The following NRXN3 variants were observed in gnomAD, a reference collection of about 807,000 sequenced individuals.
NRXN3 encodes neurexin 3.
NRXN3 carries 32 observed loss-of-function variants against 137.6 expected under a neutral mutation model. The ratio of observed to expected loss-of-function variants is 0.23; its 90% CI spans 0.18 to 0.31. The LOEUF (loss-of-function observed/expected upper bound fraction) is 0.31. Ranked by LOEUF, NRXN3 falls within the 10% of genes least tolerant of loss-of-function variation. NRXN3 has a pLI of 1.00. For missense variants in NRXN3, 1,574 were observed against 2,062.5 expected (o/e 0.76, Z 4.59); for synonymous variants, 798 against 784.5 (o/e 1.02, Z -0.29).
intron 16 of NRXN3, among the ~76,000 whole-genome samples, chr14:79,603,822 T>A (rs1459232981): frequency 6.6e-6 from 1 of 152,184 alleles, no homozygotes; most frequent in Non-Finnish European, 1.5e-5. Flanking sequence ...TGAGATTCTT[T>A]TCATACAAGT....
chr14:79,321,601 A>T (rs1036827395), intron 15 of NRXN3, among the ~76,000 whole-genome samples: 38 of 151,888 alleles, frequency 2.5e-4, no homozygotes, highest in Non-Finnish European at 2.8e-4. Flanking sequence ...TTGCAAGATG[A>T]CCTGGAATAT....
chr14:79,224,358 G>GT (rs2070411636), intron 15 of NRXN3, among the ~76,000 whole-genome samples: 1 of 152,108 alleles, frequency 6.6e-6, no homozygotes, highest in Admixed American at 6.6e-5. Flanking sequence ...CACAGATGAG[G>GT]TAAGTGTGAA....
intron 10 of NRXN3, among the ~76,000 whole-genome samples, chr14:78,956,809 T>C (rs2152965080): frequency 6.6e-6 from 1 of 152,360 alleles, no homozygotes; most frequent in South Asian, 2.1e-4. Flanking sequence ...GTGGATACTC[T>C]CTAAAAGCCA....
intron 6 of NRXN3, among the ~76,000 whole-genome samples, chr14:78,697,196 A>G (rs1251538215): frequency 1.3e-5 from 2 of 151,980 alleles, no homozygotes; most frequent in Non-Finnish European, 2.9e-5. Flanking sequence ...TTATATGAAA[A>G]CTTATTTGAT....
At chr14:79,817,053 C>T (rs939338143) in intron 20 of NRXN3, among the ~76,000 whole-genome samples, 1 of 151,912 alleles carries the variant, frequency 6.6e-6, no homozygotes, top group Admixed American at 6.6e-5. Context: ...AGTTTAGTTG[C>T]CCCCATAATT....
At chr14:79,731,880 T>C (rs1411938489) in intron 19 of NRXN3, among the ~76,000 whole-genome samples, 1 of 151,832 alleles carries the variant, frequency 6.6e-6, no homozygotes, top group African/African-American at 2.4e-5. Context: ...ACCTTGACCA[T>C]CCGATTTCAC....
intron 4 of NRXN3, among the ~76,000 whole-genome samples, chr14:78,415,890 C>T (rs919519422): frequency 1.8e-4 from 27 of 151,858 alleles, no homozygotes; most frequent in African/African-American, 2.9e-4. Context: ...CCAACTATGC[C>T]GGCACACTGA....
chr14:79,136,892 G>A (rs2653551), intron 15 of NRXN3, among the ~76,000 whole-genome samples: 2,690 of 152,260 alleles, frequency 0.018, 77 homozygotes, highest in African/African-American at 0.062. Flanking sequence ...GAAATGCCAG[G>A]AATTGGGATA....
At chr14:78,304,745 C>T (rs1352256760) in intron 4 of NRXN3, among the ~76,000 whole-genome samples, 1 of 152,074 alleles carries the variant, frequency 6.6e-6, no homozygotes, top group Non-Finnish European at 1.5e-5. Flanking sequence ...AAGTAGTGTC[C>T]TAGTGTAAGA....
intron 15 of NRXN3, among the ~76,000 whole-genome samples, chr14:79,337,529 C>T (rs1183361035): frequency 5.3e-5 from 8 of 152,076 alleles, no homozygotes; most frequent in Admixed American, 4.6e-4. Flanking sequence ...GGTCTTCCAT[C>T]GTGATGGTAA....
At chr14:78,964,475 G>C (rs1231931494) in intron 11 of NRXN3, among the ~76,000 whole-genome samples, 1 of 152,206 alleles carries the variant, frequency 6.6e-6, no homozygotes, top group Non-Finnish European at 1.5e-5. Context: ...GGAGGTGTTA[G>C]GGGCTGAGCT....
intron 15 of NRXN3, among the ~76,000 whole-genome samples, chr14:79,340,172 T>A (rs2092520883): frequency 6.6e-6 from 1 of 151,246 alleles, no homozygotes; most frequent in Admixed American, 6.6e-5. Flanking sequence ...TGTGTGTGTG[T>A]GTGTGTGTGT....
intron 15 of NRXN3, among the ~76,000 whole-genome samples, chr14:79,225,615 T>A (rs1024848405): frequency 6.6e-6 from 1 of 152,150 alleles, no homozygotes; most frequent in South Asian, 2.1e-4. Flanking sequence ...CTAAAACTAG[T>A]GCAACACTTT....
intron 15 of NRXN3, among the ~76,000 whole-genome samples, chr14:79,457,183 T>A (rs1347216512): frequency 1.3e-5 from 2 of 151,990 alleles, no homozygotes; most frequent in African/African-American, 4.8e-5. Flanking sequence ...ACATGATAAA[T>A]ATGGAGGAAA....
intron 10 of NRXN3, among the ~76,000 whole-genome samples, chr14:78,841,981 C>T (rs1040366847): frequency 1.3e-5 from 2 of 152,130 alleles, no homozygotes; most frequent in East Asian, 3.9e-4. Context: ...CTGCAAAGTA[C>T]TTACGATACT....
chr14:79,773,248 T>C (rs1200805462), intron 19 of NRXN3, among the ~76,000 whole-genome samples: 1 of 152,092 alleles, frequency 6.6e-6, no homozygotes, highest in Non-Finnish European at 1.5e-5. Flanking sequence ...GAACTAGAAA[T>C]ACCATTTGAC....
intron 1 of NRXN3, among the ~76,000 whole-genome samples, chr14:78,178,580 G>C (rs1039302721): frequency 1.3e-5 from 2 of 152,118 alleles, no homozygotes; most frequent in African/African-American, 4.8e-5. Flanking sequence ...AACCTGCATG[G>C]GACAGCCACA....
chr14:78,990,892 TCAC>T (rs1333370013), intron 15 of NRXN3, among the ~76,000 whole-genome samples: 15 of 152,198 alleles, frequency 9.9e-5, no homozygotes, highest in Non-Finnish European at 2.1e-4. Flanking sequence ...AAAAGCAGTC[TCAC>T]TATATCATAG....
At chr14:79,550,094 C>T (rs1249718932) in intron 16 of NRXN3, among the ~76,000 whole-genome samples, 6 of 151,934 alleles carry the variant, frequency 3.9e-5, no homozygotes, top group Non-Finnish European at 7.4e-5. Context: ...CTCAGCCTCC[C>T]GAATAGCTGG....
Sources: allele counts gnomAD v4.1 joint callset (sites outside exome capture counted in the v4.1 genomes callset), GRCh38; gene constraint gnomAD v4.1.1; transcripts MANE v1.5; gene names NCBI Gene and HGNC (gene_info 2026-07-23, HGNC 2026-07-21).